Variants in ZDHHC7 observed in about 807,000 individuals in gnomAD.
ZDHHC7 encodes the protein zDHHC palmitoyltransferase 7.
A neutral mutation model predicts 34.1 loss-of-function variants in ZDHHC7; 12 were observed. That is an observed-to-expected ratio of 0.35 (90% CI 0.23 to 0.57). The LOEUF is 0.57. ZDHHC7 is among the 20% of genes least tolerant of loss of function. The pLI is 0.84. For synonymous variants in ZDHHC7, 185 were observed against 155.4 expected, an observed-to-expected ratio of 1.19 and a Z score of -1.42; for missense variants, 388 against 402.7, an observed-to-expected ratio of 0.96 and a Z score of 0.31.
intron 4 of ZDHHC7, among the ~76,000 whole-genome samples, chr16:84,981,478 G>C (rs530029081): frequency 6.6e-6 from 1 of 152,236 alleles, no homozygotes; most frequent in Non-Finnish European, 1.5e-5. Context: ...GCAGGAGTGA[G>C]GGGAAGGTTC....
At chr16:84,980,569 C>T (rs1324997834) in intron 4 of ZDHHC7, among the ~76,000 whole-genome samples, 1 of 151,964 alleles carries the variant, frequency 6.6e-6, no homozygotes, top group Non-Finnish European at 1.5e-5. Context: ...ACTAGGGAGG[C>T]TGAGGCACAA....
At chr16:85,027,168 A>G in the ZDHHC7 span, among the ~76,000 whole-genome samples, 1 of 152,210 alleles carries the variant, frequency 6.6e-6, no homozygotes, top group African/African-American at 2.4e-5. Context: ...GCCCCGTTTT[A>G]AAAAGTAAAT....
intron 5 of ZDHHC7, 196 bp from the exon 6 acceptor site, chr16:84,978,201 T>C (rs1185659126): frequency 4.3e-6 from 2 of 466,158 alleles, no homozygotes; most frequent in African/African-American, 4.1e-5. Flanking sequence ...CGGCTAACTG[T>C]TTTGCATTTT....
intron 1 of ZDHHC7, among the ~76,000 whole-genome samples, chr16:84,999,867 C>A (rs1375707455): frequency 1.3e-5 from 2 of 152,168 alleles, no homozygotes; most frequent in African/African-American, 4.8e-5. Flanking sequence ...AATTGTGGGG[C>A]CGGGCACAGT....
intron 4 of ZDHHC7, among the ~76,000 whole-genome samples, chr16:84,981,197 T>A (rs2072363308): frequency 6.6e-6 from 1 of 151,806 alleles, no homozygotes. Context: ...CTGGCAAATG[T>A]GGGGGAAGAG....
intron 5 of ZDHHC7, chr16:84,978,219 G>C (rs1341300291): frequency 4.7e-6 from 2 of 422,670 alleles, no homozygotes; most frequent in Non-Finnish European, 8.6e-6. Flanking sequence ...TTTTAGTAGA[G>C]ATGGGGTTTC....
chr16:84,990,430 G>T lies in ZDHHC7; in HGVS notation c.189C>A (p.Phe63Leu). 1 of 1,614,122 alleles carries T rather than the reference G, an allele frequency of 6.2e-7. No homozygotes were observed. The highest frequency in any genetic ancestry group is 1.1e-5 in the South Asian group (1 of 91,078). Residue 63 changes from phenylalanine to leucine, a missense_variant, in exon 3 of 8, where the codon TTC (phenylalanine) becomes TTA (leucine). Physicochemically the swap from Phe to Leu is conservative, Grantham distance 22. Coordinates refer to ENST00000313732, the MANE Select transcript of ZDHHC7 (RefSeq NM_017740.3). Reference protein sequence around the residue: ...MTWLLVAYADFVVTFVMLLPS... With the variant: ...MTWLLVAYADLVVTFVMLLPS... ...GCAGCAGCATGACGAAAGTCACCAC[G>T]AAGTCTGCATAGGCGACCAGAAGCC...
chr16:85,019,884 C>G, the ZDHHC7 span, among the ~76,000 whole-genome samples: 2 of 152,124 alleles, frequency 1.3e-5, no homozygotes, highest in Non-Finnish European at 2.9e-5. Context: ...GCCAGGATGC[C>G]GCCCCAAATG....
intron 6 of ZDHHC7, 79 bp downstream of exon 6, chr16:84,977,845 G>A (rs1164128673): frequency 2.6e-6 from 3 of 1,151,020 alleles, no homozygotes; most frequent in African/African-American, 1.6e-5. Context: ...TTGGAAAACT[G>A]GTTCTTCCTT....
intron 1 of ZDHHC7, among the ~76,000 whole-genome samples, chr16:84,996,906 A>C (rs1484039883): frequency 1.3e-5 from 2 of 151,986 alleles, no homozygotes; most frequent in African/African-American, 4.8e-5. Context: ...GGGCGCTTGT[A>C]ATCCCAGCTA....
At chr16:85,008,526 T>C (rs1597567072) in intron 1 of ZDHHC7, among the ~76,000 whole-genome samples, 1 of 149,170 alleles carries the variant, frequency 6.7e-6, no homozygotes, top group African/African-American at 2.5e-5. Context: ...AAAAGCCAAC[T>C]TGCAGTTGGT....
chr16:84,990,486 C>T lies in ZDHHC7; in HGVS notation c.133G>A (p.Gly45Ser), dbSNP rs376484306. The change falls in exon 3 of 8, where the codon GGC becomes AGC. Residue 45 changes from glycine (G) to serine (S), a missense_variant. By Grantham distance (56) the Gly-to-Ser change is moderately conservative (BLOSUM62 0). Transcript: ENST00000313732. ...ATGACAGCACAGATCATGCCGCAGC[C>T]GTCACGGATGAACCAGACCCGGTCA... Reference protein sequence around the residue: ...VADRVWFIRDGCGMICAVMTW... With the variant: ...VADRVWFIRDSCGMICAVMTW... 1.3e-5 allele frequency: 21 copies of T among 1,614,042 alleles called. No individual in the cohort carries two copies. Among genetic ancestry groups the T allele is most frequent in the East Asian group, 2.2e-5 (1 of 44,888 alleles).
chr16:85,020,638 T>C, the ZDHHC7 span, among the ~76,000 whole-genome samples: 6 of 152,090 alleles, frequency 3.9e-5, no homozygotes, highest in African/African-American at 7.2e-5. Context: ...GCATGGATTC[T>C]TTAAGGCCCT....
At chr16:84,988,392 T>A (rs1303679532) in intron 3 of ZDHHC7, among the ~76,000 whole-genome samples, 1 of 152,076 alleles carries the variant, frequency 6.6e-6, no homozygotes, top group African/African-American at 2.4e-5. Flanking sequence ...GAGGATGGAT[T>A]TAGTGCTATG....
At chr16:84,989,972 G>T (rs1365017425) in intron 3 of ZDHHC7, among the ~76,000 whole-genome samples, 1 of 152,150 alleles carries the variant, frequency 6.6e-6, no homozygotes, top group Non-Finnish European at 1.5e-5. Context: ...GTGACGGATG[G>T]CTGAGCTGCA....
At chr16:84,995,625 C>CA (rs201447446) in intron 2 of ZDHHC7, among the ~76,000 whole-genome samples, 1,876 of 149,820 alleles carry the variant, frequency 0.013, 32 homozygotes, top group African/African-American at 0.04. Flanking sequence ...GACTCCATCT[C>CA]AAAAAAAACA....
the ZDHHC7 span, among the ~76,000 whole-genome samples, chr16:85,018,809 T>TCTCTGCGAGAGAGAAACTC: frequency 4.2e-4 from 64 of 152,298 alleles, no homozygotes; most frequent in Non-Finnish European, 7.5e-4. Flanking sequence ...GCAAAGGTTA[T>TCTCTGCGAGAGAGAAACTC]GCAGTGGAAA....
intron 1 of ZDHHC7, among the ~76,000 whole-genome samples, chr16:85,009,516 C>T (rs9933020): frequency 0.17 from 26,387 of 152,062 alleles, 2,507 homozygotes; most frequent in African/African-American, 0.22. Flanking sequence ...CCCATTGTTA[C>T]TTAGCGAATC....
intron 1 of ZDHHC7, among the ~76,000 whole-genome samples, chr16:85,007,376 C>A (rs1232654292): frequency 6.7e-6 from 1 of 148,936 alleles, no homozygotes; most frequent in Non-Finnish European, 1.5e-5. Context: ...TGAGCCGAGA[C>A]CACGCCACCG....
Sources: gnomAD v4.1 joint callset for allele counts (sites outside exome capture counted in the v4.1 genomes callset) on GRCh38, gnomAD v4.1.1 for gene constraint, MANE v1.5 for transcripts, NCBI Gene and HGNC (gene_info 2026-07-23, HGNC 2026-07-21) for gene names.